REV3L: variants seen among roughly 807,000 people sequenced by gnomAD.
REV3L encodes DNA polymerase zeta catalytic subunit.
In REV3L, 69 loss-of-function variants were observed where a neutral mutation model predicts 299.4. That is an observed-to-expected ratio of 0.23 (90% CI 0.19 to 0.28). The LOEUF is 0.28. Ranked by LOEUF, REV3L falls within the 10% of genes least tolerant of loss-of-function variation. REV3L has a pLI of 1.00. For missense variants in REV3L, 3,128 were observed against 3,693.8 expected, an observed-to-expected ratio of 0.85 and a Z score of 3.97; for synonymous variants, 1,238 against 1,271.4, an observed-to-expected ratio of 0.97 and a Z score of 0.56.
intron 22 of REV3L, among the ~76,000 whole-genome samples, chr6:111,334,456 A>C (rs1775712895): frequency 6.6e-6 from 1 of 152,212 alleles, no homozygotes. Context: ...AAAGTATTGA[A>C]TGTGGCTTTT....
At chr6:111,430,227 C>T in intron 1 of REV3L, 2 of 838,612 alleles carry the variant, frequency 2.4e-6, no homozygotes, top group Non-Finnish European at 4.2e-6. Flanking sequence ...AGAACAGATA[C>T]CCCACCCCTT....
At chr6:111,323,793 A>G (rs781421371) in intron 25 of REV3L, among the ~76,000 whole-genome samples, 10 of 152,184 alleles carry the variant, frequency 6.6e-5, no homozygotes, top group Non-Finnish European at 1.2e-4. Context: ...CGCAAACTGC[A>G]CATTTTTTTT....
rs367716753 is a variant in REV3L at position 111,349,257 on chromosome 6, G to A, written c.7380C>T (p.Gly2460=). 1.2e-5 allele frequency: 20 copies of A among 1,601,526 alleles called. No homozygotes were observed. The African/African-American group carries it at 2.1e-4, about 17-fold the overall frequency. ...TTCTCCAAAGATTTAGTGTAATTCG[G>A]CCAACAATATTTATCTCACTCATTG... is the stretch of plus-strand genomic sequence containing the variant. The part of the protein sequence containing the change: ...SYTMSEINIV[G]RITLNLWRIM... Residue 2460 remains glycine, a synonymous_variant, in exon 20 of 32, where the codon GGC becomes GGT. Transcript: ENST00000368802.
In REV3L at chr6:111,349,611, A is replaced by G. The variant is rs541035465; in HGVS notation, c.7301-275T>C. On this transcript the variant is annotated intron_variant, in intron 19 of 31. Coordinates refer to ENST00000368802, the MANE Select transcript of REV3L (RefSeq NM_001372078.1). ...TTTTTATGTTGCCCAGGTTGAGTGC[A>G]GTGGCTAGCCACAGGTGCAATCATA... is the stretch of plus-strand genomic sequence containing the variant. Among the ~76,000 whole-genome samples, 56 of 152,248 alleles carry G rather than the reference A, an allele frequency of 3.7e-4. 1 individual carries two copies. Among genetic ancestry groups the G allele is most frequent in the African/African-American group, 1.3e-3 (55 of 41,548 alleles).
rs752388608 is a variant in REV3L, at chr6:111,329,681, A to C, written c.8092T>G (p.Phe2698Val). The change falls in exon 25 of 32, where the codon TTT (phenylalanine) becomes GTT (valine). Residue 2698 changes from phenylalanine to valine, a missense_variant. Transcript: ENST00000368802. ...RMLEEILKTR[F>V]MVKQSMKAYK... ...GCCTTCATTGACTGCTTCACCATAA[A>C]TCTAGTCTTCAAAATTTCTTCAAGC... 1 of 1,613,910 alleles carries C rather than the reference A, an allele frequency of 6.2e-7. No individual in the cohort carries two copies. The highest frequency in any genetic ancestry group is 1.7e-5 in the Admixed American group (1 of 60,028).
At position 111,392,919 on chromosome 6, in the gene REV3L, G is replaced by A. The variant is rs1782084138; in HGVS notation, c.619C>T (p.Leu207Phe). The part of the protein sequence containing the change: ...SCKNHLSGNS[L>F]ADTLFRWEQD... ...TCCCACCGAAATAAAGTATCAGCAAGAGAATTTCCTGATAAATGATTCTTG... is the reference window on the plus strand; with the variant it reads ...TCCCACCGAAATAAAGTATCAGCAAAAGAATTTCCTGATAAATGATTCTTG... Residue 207 changes from leucine (L) to phenylalanine (F), a missense_variant, in exon 5 of 32, where the codon CTT (leucine) becomes TTT (phenylalanine). Leu to Phe is a conservative substitution (Grantham distance 22, BLOSUM62 0). Coordinates refer to ENST00000368802, the MANE Select transcript of REV3L (RefSeq NM_001372078.1). 6.2e-7 allele frequency: 1 copy of A among 1,612,692 alleles called. No homozygotes were observed. Among genetic ancestry groups the A allele is most frequent in the Admixed American group, 1.7e-5 (1 of 59,980 alleles).
Position 111,377,874 on chromosome 6 carries a change from T to C in REV3L, c.1455-31A>G, listed in dbSNP as rs764470361. On this transcript the variant is annotated intron_variant, in intron 11 of 31. Coordinates refer to ENST00000368802, the MANE Select transcript of REV3L (RefSeq NM_001372078.1). ...GAACATTAAAATTCACTGGTGAGCATGATCATTAGTAAAGACCATCTCAGA... is the reference window on the plus strand; with the variant it reads ...GAACATTAAAATTCACTGGTGAGCACGATCATTAGTAAAGACCATCTCAGA... 7 of 1,584,158 alleles carry C rather than the reference T, an allele frequency of 4.4e-6. No individual in the cohort carries two copies. The African/African-American group carries it at 9.5e-5, about 21-fold the overall frequency.
intron 1 of REV3L, chr6:111,430,313 AT>A: frequency 1.8e-6 from 2 of 1,110,304 alleles, no homozygotes; most frequent in Non-Finnish European, 2.8e-6. Flanking sequence ...CCTGTGACTG[AT>A]TTTACTGCTC....
At chr6:111,414,231 C>T (rs191511529) in intron 2 of REV3L, among the ~76,000 whole-genome samples, 1 of 152,062 alleles carries the variant, frequency 6.6e-6, no homozygotes, top group South Asian at 2.1e-4. Flanking sequence ...CCTTATTTTA[C>T]GTGGGATAGT....
intron 31 of REV3L, among the ~76,000 whole-genome samples, chr6:111,303,234 T>TGA (rs1771810361): frequency 7.0e-6 from 1 of 142,982 alleles, no homozygotes; most frequent in South Asian, 2.3e-4. Context: ...TGCAGTGGCA[T>TGA]GATCTCAGTT....
chr6:111,453,354 G>A (rs567718518), intron 1 of REV3L, among the ~76,000 whole-genome samples: 1 of 152,310 alleles, frequency 6.6e-6, no homozygotes, highest in Non-Finnish European at 1.5e-5. Flanking sequence ...ATGCCAGGTT[G>A]ATAGTATTCA....
At chr6:111,393,042 ATTT>A in intron 4 of REV3L, 70 bp from the exon 5 acceptor site, 7 of 887,344 alleles carry the variant, frequency 7.9e-6, no homozygotes, top group Admixed American at 2.5e-5. Flanking sequence ...TAGAAGGTAA[ATTT>A]TTTTTTTTTT....
chr6:111,363,539 G>A (rs995818436), intron 16 of REV3L, among the ~76,000 whole-genome samples: 5 of 151,870 alleles, frequency 3.3e-5, no homozygotes, highest in East Asian at 1.9e-4. Flanking sequence ...TAAACTCCTC[G>A]ACTCAAGGGA....
chr6:111,305,184 G>A (rs957691594), intron 31 of REV3L, among the ~76,000 whole-genome samples: 10 of 151,838 alleles, frequency 6.6e-5, no homozygotes, highest in Admixed American at 2.0e-4. Flanking sequence ...CACGTGATCC[G>A]CCCGCCTCGG....
chr6:111,423,364 C>A (rs1785791819), intron 1 of REV3L, among the ~76,000 whole-genome samples: 1 of 151,958 alleles, frequency 6.6e-6, no homozygotes, highest in Admixed American at 6.6e-5. Context: ...TCAGATTTAG[C>A]CAAGCAAATG....
chr6:111,401,705 A>G (rs376518391), intron 4 of REV3L, among the ~76,000 whole-genome samples: 5 of 149,100 alleles, frequency 3.4e-5, no homozygotes, highest in South Asian at 2.1e-4. Flanking sequence ...GTTTAAATGC[A>G]TAAGTTGTTC....
intron 26 of REV3L, among the ~76,000 whole-genome samples, chr6:111,321,166 T>C (rs1221374870): frequency 6.6e-6 from 1 of 152,212 alleles, no homozygotes; most frequent in Non-Finnish European, 1.5e-5. Context: ...TTGTTCTTAA[T>C]AAGCATCACT....
intron 31 of REV3L, among the ~76,000 whole-genome samples, chr6:111,304,724 G>A (rs1188872887): frequency 2.0e-5 from 3 of 150,082 alleles, no homozygotes; most frequent in African/African-American, 4.9e-5. Flanking sequence ...TGCAGTAAAT[G>A]TAGTATCTGA....
chr6:111,331,825 C>CT, intron 23 of REV3L, 41 bp from the exon 24 acceptor site: 1 of 1,258,158 alleles, frequency 7.9e-7, no homozygotes, highest in Non-Finnish European at 1.2e-6. Context: ...TTCCTCAAAT[C>CT]ATAGAACAGA....
Sources: gnomAD v4.1 joint callset for allele counts (sites outside exome capture counted in the v4.1 genomes callset) on GRCh38, gnomAD v4.1.1 for gene constraint, MANE v1.5 for transcripts, NCBI Gene and HGNC (gene_info 2026-07-23, HGNC 2026-07-21) for gene names.